TAFA1: variants seen among roughly 807,000 people sequenced by gnomAD.
TAFA1 encodes the protein TAFA chemokine like family member 1.
In TAFA1, 4 loss-of-function variants were observed where a neutral mutation model predicts 18.5. The ratio of observed to expected loss-of-function variants is 0.22; its 90% CI spans 0.11 to 0.49. TAFA1 has a LOEUF of 0.49. Ranked by LOEUF, TAFA1 falls within the 20% of genes least tolerant of loss-of-function variation. The pLI, the probability that TAFA1 is intolerant of heterozygous loss-of-function variation, is 0.98. For synonymous variants in TAFA1, 56 were observed against 55.2 expected (o/e 1.01, Z -0.06); for missense variants, 147 against 169.0 (o/e 0.87, Z 0.72).
intron 3 of TAFA1, among the ~76,000 whole-genome samples, chr3:68,462,361 A>G (rs994948833): frequency 3.3e-5 from 5 of 152,020 alleles, no homozygotes. Flanking sequence ...TCATGATAGT[A>G]AGTCTCATGA....
chr3:68,078,446 T>C (rs922198122), intron 2 of TAFA1, among the ~76,000 whole-genome samples: 5 of 152,152 alleles, frequency 3.3e-5, no homozygotes, highest in Non-Finnish European at 5.9e-5. Context: ...TGGCTGTGGG[T>C]TTGTCATAGA....
chr3:68,414,308 AAAAC>A (rs763786413), intron 2 of TAFA1, among the ~76,000 whole-genome samples: 205 of 152,262 alleles, frequency 1.3e-3, no homozygotes, highest in Admixed American at 1.8e-3. Flanking sequence ...ACGCCATATC[AAAAC>A]AAACAAACAA....
At chr3:67,998,348 C>T in the TAFA1 span, among the ~76,000 whole-genome samples, 3 of 151,900 alleles carry the variant, frequency 2.0e-5, no homozygotes, top group Admixed American at 6.6e-5. Flanking sequence ...ATAATTATGC[C>T]CTCAATATTC....
At chr3:68,537,690 T>C (rs2073297440) in intron 3 of TAFA1, among the ~76,000 whole-genome samples, 1 of 152,206 alleles carries the variant, frequency 6.6e-6, no homozygotes, top group African/African-American at 2.4e-5. Context: ...TACTTCTGTT[T>C]GCTGACTCTC....
chr3:68,501,483 T>A (rs945259397), intron 3 of TAFA1, among the ~76,000 whole-genome samples: 1 of 152,158 alleles, frequency 6.6e-6, no homozygotes, highest in Non-Finnish European at 1.5e-5. Flanking sequence ...AAAATAATCA[T>A]ACTTATAAAA....
chr3:68,128,044 C>T (rs2065492117), intron 2 of TAFA1, among the ~76,000 whole-genome samples: 1 of 151,346 alleles, frequency 6.6e-6, no homozygotes, highest in Admixed American at 6.6e-5. Flanking sequence ...TCTACCTCTC[C>T]CTGAGTCCTC....
rs545020637 is a variant in TAFA1, at chr3:68,416,759, C to T, written c.119-521C>T. On this transcript the variant is annotated intron_variant, in intron 2 of 4. Transcript: ENST00000478136. Reference sequence around the variant, plus strand: ...CTCCAGCAATTCTTTCTTTCATTTGCGGATGAAGTCTAGATTTGGGAAATA... The same window carrying T: ...CTCCAGCAATTCTTTCTTTCATTTGTGGATGAAGTCTAGATTTGGGAAATA... Among the ~76,000 whole-genome samples the T allele has an allele frequency of 1.1e-4, 17 of 152,100 alleles. 1 individual carries two copies. Among genetic ancestry groups the T allele is most frequent in the South Asian group, 4.1e-4 (2 of 4,832 alleles).
At chr3:68,364,900 A>G (rs1452887326) in intron 2 of TAFA1, among the ~76,000 whole-genome samples, 7 of 152,244 alleles carry the variant, frequency 4.6e-5, no homozygotes, top group Non-Finnish European at 7.3e-5. Flanking sequence ...CCCTTATCAA[A>G]GGTCACACAG....
chr3:68,078,334 C>T (rs1261193802), intron 2 of TAFA1, among the ~76,000 whole-genome samples: 1 of 151,858 alleles, frequency 6.6e-6, no homozygotes, highest in African/African-American at 2.4e-5. Context: ...CTGGCCAGAA[C>T]TTCCAACACT....
chr3:68,431,481 A>G (rs1238419174), intron 3 of TAFA1, among the ~76,000 whole-genome samples: 3 of 151,976 alleles, frequency 2.0e-5, no homozygotes, highest in African/African-American at 2.4e-5. Context: ...GATGGGTACT[A>G]TTGTTATTAT....
intron 2 of TAFA1, among the ~76,000 whole-genome samples, chr3:68,320,352 T>C (rs1374944296): frequency 1.3e-5 from 2 of 152,182 alleles, no homozygotes; most frequent in Non-Finnish European, 2.9e-5. Flanking sequence ...ATTGCCCTGC[T>C]CTGCTCTGGG....
At chr3:68,132,562 A>G (rs2065554487) in intron 2 of TAFA1, among the ~76,000 whole-genome samples, 1 of 152,176 alleles carries the variant, frequency 6.6e-6, no homozygotes, top group South Asian at 2.1e-4. Flanking sequence ...CTTAATGATC[A>G]CCATTCTAAC....
At chr3:68,503,448 G>T (rs1004077464) in intron 3 of TAFA1, among the ~76,000 whole-genome samples, 4 of 152,122 alleles carry the variant, frequency 2.6e-5, no homozygotes, top group Non-Finnish European at 4.4e-5. Flanking sequence ...CATATTGTAT[G>T]ATTCCACTGA....
chr3:68,212,375 T>C (rs1304661424), intron 2 of TAFA1, among the ~76,000 whole-genome samples: 1 of 152,006 alleles, frequency 6.6e-6, no homozygotes, highest in Non-Finnish European at 1.5e-5. Context: ...AAGTTTTTAG[T>C]AGAGAAGCAG....
At chr3:68,125,703 C>A (rs1302849352) in intron 2 of TAFA1, among the ~76,000 whole-genome samples, 1 of 152,172 alleles carries the variant, frequency 6.6e-6, no homozygotes, top group Non-Finnish European at 1.5e-5. Flanking sequence ...CCCCTCAGCT[C>A]ACCCCTCATT....
chr3:68,405,699 C>CCAAAAAAAAA (rs1559655011), intron 2 of TAFA1, among the ~76,000 whole-genome samples: 1 of 32,850 alleles, frequency 3.0e-5, no homozygotes, highest in Non-Finnish European at 7.8e-5. Flanking sequence ...GACTCTATCT[C>CCAAAAAAAAA]AAAAAAAAAA....
intron 2 of TAFA1, among the ~76,000 whole-genome samples, chr3:68,391,088 C>T (rs759410458): frequency 3.2e-4 from 48 of 152,134 alleles, no homozygotes; most frequent in Middle Eastern, 3.4e-3. Context: ...TGTTGTAACC[C>T]AATGCAAGGA....
chr3:68,019,421 A>G (rs1472493798), intron 2 of TAFA1, among the ~76,000 whole-genome samples: 2 of 152,206 alleles, frequency 1.3e-5, no homozygotes, highest in Non-Finnish European at 2.9e-5. Flanking sequence ...ATCTACATTT[A>G]TTAGACTTGC....
chr3:68,422,671 CT>C (rs941282996), intron 3 of TAFA1, among the ~76,000 whole-genome samples: 2 of 151,926 alleles, frequency 1.3e-5, no homozygotes, highest in Non-Finnish European at 2.9e-5. Flanking sequence ...AAGTGGTGAT[CT>C]TTTATTTCAA....
Sources: allele counts gnomAD v4.1 joint callset (sites outside exome capture counted in the v4.1 genomes callset), GRCh38; gene constraint gnomAD v4.1.1; transcripts MANE v1.5; gene names NCBI Gene and HGNC (gene_info 2026-07-23, HGNC 2026-07-21).